The following TSG101 variants were observed in gnomAD, a reference collection of about 807,000 sequenced individuals.
TSG101 encodes the protein tumor susceptibility 101.
A neutral mutation model predicts 48.5 loss-of-function variants in TSG101; 19 were observed. That is an observed-to-expected ratio of 0.39 (90% CI 0.27 to 0.58). The LOEUF (loss-of-function observed/expected upper bound fraction) is 0.58. Ranked by LOEUF, TSG101 falls within the 20% of genes least tolerant of loss-of-function variation. The pLI, the probability that TSG101 is intolerant of heterozygous loss-of-function variation, is 0.55. For missense variants in TSG101, 365 were observed against 484.4 expected (o/e 0.75, Z 2.31); for synonymous variants, 174 against 169.4 (o/e 1.03, Z -0.21).
At chr11:18,502,421 G>T in intron 7 of TSG101, 65 bp downstream of exon 7, 1 of 1,321,110 alleles carries the variant, frequency 7.6e-7, no homozygotes, top group Non-Finnish European at 1.1e-6. Context: ...AGTGAAATGT[G>T]CTTTTCACAA....
intron 7 of TSG101, among the ~76,000 whole-genome samples, chr11:18,499,312 TTATA>T (rs912189538): frequency 5.5e-5 from 7 of 126,700 alleles, no homozygotes; most frequent in Admixed American, 1.9e-4. Flanking sequence ...ATATATTTAT[TTATA>T]TATATTTATA....
At chr11:18,500,835 G>A (rs769997893) in intron 7 of TSG101, among the ~76,000 whole-genome samples, 1 of 150,758 alleles carries the variant, frequency 6.6e-6, no homozygotes. Context: ...ACAAGGTCTC[G>A]CTCTGTTGCC....
In TSG101 at chr11:18,514,691, T is replaced by G; in HGVS notation, c.344A>C (p.His115Pro). 1 of 1,575,718 alleles carries G rather than the reference T, an allele frequency of 6.3e-7. No individual in the cohort carries two copies. Among genetic ancestry groups the G allele is most frequent in the Non-Finnish European group, 8.6e-7 (1 of 1,168,708 alleles). The stretch of plus-strand genomic sequence containing the variant: ...ATGAATACTTACGTGTTTCCATTCA[T>G]GTAGATAAGGAAGATATATCTTCCC... The part of the protein sequence containing the change: ...ANGKIYLPYL[H>P]EWKHPQSDLL... Residue 115 changes from histidine to proline, a missense_variant, in exon 4 of 10, where the codon CAT (histidine) becomes CCT (proline). Transcript: ENST00000251968.
At position 18,484,019 on chromosome 11, in the gene TSG101, A is replaced by G; in HGVS notation, c.694T>C (p.Ser232Pro). The G allele has an allele frequency of 6.2e-7, 1 of 1,614,180 alleles. No homozygotes were observed. The highest frequency in any genetic ancestry group is 8.5e-7 in the Non-Finnish European group (1 of 1,180,032). The change falls in exon 8 of 10, where the codon TCT becomes CCT. Residue 232 changes from serine (S) to proline (P), a missense_variant. By Grantham distance (74) the Ser-to-Pro change is moderately conservative. Transcript: ENST00000251968. ...CATCTCAGTTTGTCACTGACCGCAG[A>G]GATGAGAGAGGCTCGGATGGTGTCC... ...SEDTIRASLI[S>P]AVSDKLRWRM...
intron 1 of TSG101, among the ~76,000 whole-genome samples, chr11:18,519,907 C>T (rs77467392): frequency 0.013 from 2,021 of 152,238 alleles, 19 homozygotes; most frequent in Non-Finnish European, 0.022. Flanking sequence ...CCATTAATAG[C>T]TTTTTAAAGA....
chr11:18,525,567 C>T (rs914573020), intron 1 of TSG101: 17 of 243,422 alleles, frequency 7.0e-5, no homozygotes, highest in Non-Finnish European at 1.0e-4. Context: ...AAAAAAGAGT[C>T]ATGGAACAGA....
At chr11:18,496,606 T>C (rs552346597) in intron 7 of TSG101, among the ~76,000 whole-genome samples, 23 of 152,210 alleles carry the variant, frequency 1.5e-4, no homozygotes, top group Admixed American at 1.1e-3. Context: ...GGTGGATCAC[T>C]TGAATCTAGG....
chr11:18,482,690 T>C (rs933663866), intron 8 of TSG101, among the ~76,000 whole-genome samples: 1 of 152,244 alleles, frequency 6.6e-6, no homozygotes, highest in African/African-American at 2.4e-5. Context: ...GCATATGCTA[T>C]GTTTATATGT....
At chr11:18,512,019 T>C (rs1377335847) in intron 4 of TSG101, among the ~76,000 whole-genome samples, 2 of 152,324 alleles carry the variant, frequency 1.3e-5, no homozygotes, top group Admixed American at 6.5e-5. Context: ...TTAATTATCA[T>C]ACCATTCCTT....
At chr11:18,509,130 T>C (rs1036692466) in intron 5 of TSG101, among the ~76,000 whole-genome samples, 9 of 152,232 alleles carry the variant, frequency 5.9e-5, no homozygotes, top group Non-Finnish European at 5.9e-5. Context: ...AATAGCTGAA[T>C]GTGAACGCTT....
intron 7 of TSG101, among the ~76,000 whole-genome samples, chr11:18,489,396 G>C (rs1207354596): frequency 6.6e-6 from 1 of 152,106 alleles, no homozygotes; most frequent in Non-Finnish European, 1.5e-5. Flanking sequence ...CACCATGCCT[G>C]ACTCAGAAGA....
chr11:18,498,185 T>C (rs1849813814), intron 7 of TSG101, among the ~76,000 whole-genome samples: 1 of 151,892 alleles, frequency 6.6e-6, no homozygotes, highest in South Asian at 2.1e-4. Context: ...AGGAGACCAG[T>C]AGGAGATGAG....
intron 7 of TSG101, among the ~76,000 whole-genome samples, chr11:18,498,657 A>C (rs1849821779): frequency 6.6e-6 from 1 of 152,150 alleles, no homozygotes; most frequent in African/African-American, 2.4e-5. Flanking sequence ...GCTGGATATA[A>C]CAATCTCGAG....
Position 18,514,841 on chromosome 11 carries a change from C to T in TSG101, c.194G>A (p.Gly65Asp). Residue 65 changes from glycine to aspartate, a missense_variant and splice_region_variant, in exon 4 of 10, where the codon GGT becomes GAT. By Grantham distance (94) the Gly-to-Asp change is moderately conservative. Coordinates refer to ENST00000251968, the MANE Select transcript of TSG101 (RefSeq NM_006292.4). The stretch of plus-strand genomic sequence containing the variant: ...GCATATTGGAATATTGTATGTATTA[C>T]CTGAAAAAGAAATAGAAACTTCAGT... ...LTGTIPVPYR[G>D]NTYNIPICLW... The T allele has an allele frequency of 2.0e-6, 3 of 1,533,554 alleles. No homozygotes were observed. Among genetic ancestry groups the T allele is most frequent in the Non-Finnish European group, 2.6e-6 (3 of 1,152,524 alleles). 95.0% of individuals were successfully genotyped at this position (1,533,554 alleles called of 1,614,324 possible). A position where few individuals can be genotyped will look rare whatever the true frequency, so the allele number is the denominator to read the frequency against.
At chr11:18,522,462 T>G (rs969219765) in intron 1 of TSG101, among the ~76,000 whole-genome samples, 1 of 152,202 alleles carries the variant, frequency 6.6e-6, no homozygotes, top group Non-Finnish European at 1.5e-5. Flanking sequence ...TGTCAAAATA[T>G]CCTGTTAGCT....
At chr11:18,488,258 GGTTT>G in intron 7 of TSG101, among the ~76,000 whole-genome samples, 1 of 151,584 alleles carries the variant, frequency 6.6e-6, no homozygotes, top group South Asian at 2.1e-4. Context: ...TTCTTTTTTT[GGTTT>G]GTTTTAAATC....
Position 18,525,047 on chromosome 11 carries a change from G to T in TSG101, c.42+1728C>A, listed in dbSNP as rs141831498. Among the ~76,000 whole-genome samples the T allele has an allele frequency of 5.9e-3, 893 of 151,706 alleles. 9 individuals carry two copies. Among genetic ancestry groups the T allele is most frequent in the African/African-American group, 0.021 (861 of 41,380 alleles). On this transcript the variant is annotated intron_variant, in intron 1 of 9. Coordinates refer to ENST00000251968, the MANE Select transcript of TSG101 (RefSeq NM_006292.4). ...CATCTCAGCCTCCCGAGTAGGCTGG[G>T]ATTACAGGCACCCGCCATCATGCCC...
intron 1 of TSG101, among the ~76,000 whole-genome samples, chr11:18,520,713 T>C (rs1260744144): frequency 1.3e-5 from 2 of 152,208 alleles, no homozygotes; most frequent in South Asian, 4.1e-4. Flanking sequence ...TGTGAGTTAG[T>C]TGGATCTAGA....
intron 6 of TSG101, among the ~76,000 whole-genome samples, chr11:18,506,290 G>GA (rs1417726906): frequency 6.6e-6 from 1 of 151,594 alleles, no homozygotes; most frequent in African/African-American, 2.4e-5. Flanking sequence ...GTCCTTTTAA[G>GA]AAATTTGTAT....
Sources: gnomAD v4.1 joint callset for allele counts (sites outside exome capture counted in the v4.1 genomes callset) on GRCh38, gnomAD v4.1.1 for gene constraint, MANE v1.5 for transcripts, NCBI Gene and HGNC (gene_info 2026-07-23, HGNC 2026-07-21) for gene names.